ASTN1: variants seen among roughly 807,000 people sequenced by gnomAD.
ASTN1 encodes astrotactin-1.
A neutral mutation model predicts 140.7 loss-of-function variants in ASTN1; 41 were observed. The ratio of observed to expected loss-of-function variants is 0.29; its 90% CI spans 0.23 to 0.38. The LOEUF is 0.38. Among genes scored for constraint, ASTN1 ranks in the 10% least tolerant of loss-of-function variants. The pLI is 1.00. For synonymous variants in ASTN1, 640 were observed against 652.2 expected (o/e 0.98, Z 0.29); for missense variants, 1,479 against 1,678.8 (o/e 0.88, Z 2.08).
intron 18 of ASTN1, 152 bp from the exon 19 acceptor site, chr1:176,884,642 A>G (rs1668955295): frequency 1.2e-6 from 1 of 849,996 alleles, no homozygotes; most frequent in Non-Finnish European, 1.7e-6. Flanking sequence ...AAAGATAGTA[A>G]TGTTTTTGAG....
intron 16 of ASTN1, among the ~76,000 whole-genome samples, chr1:176,908,682 G>A (rs932584392): frequency 3.3e-5 from 5 of 152,152 alleles, no homozygotes; most frequent in African/African-American, 4.8e-5. Flanking sequence ...TTATTCTGAA[G>A]GTTAAATGGG....
At chr1:177,128,088 C>G (rs369915884) in intron 1 of ASTN1, among the ~76,000 whole-genome samples, 7 of 151,944 alleles carry the variant, frequency 4.6e-5, no homozygotes, top group Admixed American at 6.6e-5. Context: ...TAATTACAAC[C>G]CTGTATAGGA....
chr1:176,868,170 T>G (rs1411955775), intron 22 of ASTN1, among the ~76,000 whole-genome samples: 1 of 152,216 alleles, frequency 6.6e-6, no homozygotes, highest in Non-Finnish European at 1.5e-5. Context: ...GTCTGTTTTC[T>G]CAAAGCAGCA....
At chr1:177,016,668 T>C (rs2101943057) in intron 7 of ASTN1, among the ~76,000 whole-genome samples, 1 of 152,272 alleles carries the variant, frequency 6.6e-6, no homozygotes, top group East Asian at 1.9e-4. Flanking sequence ...TGCTAGACTA[T>C]AAGATACATA....
Position 176,864,234 on chromosome 1 carries a change from C to T in ASTN1, c.*50G>A, listed in dbSNP as rs561493560. 4 of 1,594,702 alleles carry T rather than the reference C, an allele frequency of 2.5e-6. No homozygotes were observed. The East Asian group carries it at 6.7e-5, about 27-fold the overall frequency. On this transcript the variant is annotated 3_prime_UTR_variant, in exon 23 of 23. Transcript: ENST00000361833. ...AATCCACAGACCAACCCAGATGGAT[C>T]CCTCCTCTTTCCTACTTCATTCTGG...
At chr1:177,124,109 C>T (rs1364407178) in intron 1 of ASTN1, among the ~76,000 whole-genome samples, 1 of 152,098 alleles carries the variant, frequency 6.6e-6, no homozygotes, top group Non-Finnish European at 1.5e-5. Flanking sequence ...CCAGGTATAC[C>T]ACATTTCTCT....
At chr1:176,933,373 C>T (rs1299330078) in intron 16 of ASTN1, among the ~76,000 whole-genome samples, 1 of 152,210 alleles carries the variant, frequency 6.6e-6, no homozygotes, top group Non-Finnish European at 1.5e-5. Flanking sequence ...TAATTCATCA[C>T]TTGCCCTTTA....
chr1:177,075,611 T>C (rs965738919), intron 1 of ASTN1, among the ~76,000 whole-genome samples: 1 of 150,672 alleles, frequency 6.6e-6, no homozygotes, highest in East Asian at 2.0e-4. Flanking sequence ...CATTTTTTCT[T>C]TCTTTCTTTC....
At position 176,945,818 on chromosome 1, in the gene ASTN1, T is replaced by C; in HGVS notation, c.2249+108A>G. On this transcript the variant is annotated intron_variant, in intron 13 of 22. Transcript: ENST00000361833. ...AGAATGTAGTCTATCCCTTTAGACA[T>C]ATCATATTTACCCTGCTCCAACATA... 4.5e-6 allele frequency: 5 copies of C among 1,119,546 alleles called. 1 individual carries two copies. In the South Asian group the frequency reaches 7.0e-5, roughly 16 times the overall value. 69.4% of individuals were successfully genotyped at this position (1,119,546 alleles called of 1,614,324 possible). A position where few individuals can be genotyped will look rare whatever the true frequency, so the allele number is the denominator to read the frequency against.
intron 11 of ASTN1, among the ~76,000 whole-genome samples, chr1:176,954,604 T>C (rs1050300178): frequency 6.6e-6 from 1 of 152,214 alleles, no homozygotes; most frequent in African/African-American, 2.4e-5. Flanking sequence ...TAAGTACTCT[T>C]GAAAGACCCT....
intron 14 of ASTN1, among the ~76,000 whole-genome samples, chr1:176,937,977 C>T (rs1671520236): frequency 6.6e-6 from 1 of 152,070 alleles, no homozygotes; most frequent in African/African-American, 2.4e-5. Flanking sequence ...CTGTGTGAAT[C>T]ATATGGGAAT....
rs139798386 is a variant in ASTN1 at position 177,056,009 on chromosome 1, G to A, written c.471+5069C>T. ...AACTGCTCCTCTCTACATTGGAAGC[G>A]GCTGTGCTCTAGGTATGAAATGAGG... On this transcript the variant is annotated intron_variant, in intron 2 of 22. Coordinates refer to ENST00000361833, the MANE Select transcript of ASTN1 (RefSeq NM_004319.3). Among the ~76,000 whole-genome samples the A allele has an allele frequency of 8.1e-3, 1,229 of 152,264 alleles. 9 individuals are homozygous for A. Among genetic ancestry groups the A allele is most frequent in the Non-Finnish European group, 0.013 (852 of 68,036 alleles).
intron 16 of ASTN1, among the ~76,000 whole-genome samples, chr1:176,900,929 A>ATG (rs1240565157): frequency 6.6e-6 from 1 of 152,226 alleles, no homozygotes; most frequent in Admixed American, 6.5e-5. Context: ...CTTATATGTA[A>ATG]TACACACTAA....
In ASTN1 at chr1:177,014,780, C is replaced by A. The variant is rs2101939600; in HGVS notation, c.1523+11G>T. ...TGTGGGAACCAGCTAAGTCGTCATG[C>A]CCTCACTTACCCCTGGTTTGTCCCC... On this transcript the variant is annotated intron_variant, in intron 8 of 22. Transcript: ENST00000361833. 1 of 1,610,372 alleles carries A rather than the reference C, an allele frequency of 6.2e-7. No individual in the cohort carries two copies. Among genetic ancestry groups the A allele is most frequent in the South Asian group, 1.1e-5 (1 of 90,960 alleles).
chr1:176,916,529 C>G (rs1343866794), intron 16 of ASTN1, among the ~76,000 whole-genome samples: 1 of 152,138 alleles, frequency 6.6e-6, no homozygotes, highest in African/African-American at 2.4e-5. Flanking sequence ...ATGTATGTCT[C>G]CCTAGGAGAT....
intron 1 of ASTN1, among the ~76,000 whole-genome samples, chr1:177,143,439 C>T (rs1204871741): frequency 1.3e-5 from 2 of 152,160 alleles, no homozygotes; most frequent in Non-Finnish European, 2.9e-5. Flanking sequence ...GAATGCAAAT[C>T]ACTGAGAAGT....
In ASTN1 at chr1:176,862,504, C is replaced by A; in HGVS notation, c.*1780G>T. The A allele has an allele frequency of 1.0e-6, 1 of 985,442 alleles. No homozygotes were observed. Among genetic ancestry groups the A allele is most frequent in the Non-Finnish European group, 1.2e-6 (1 of 829,974 alleles). 61.0% of individuals were successfully genotyped at this position (985,442 alleles called of 1,614,324 possible). ...CTTGGGAAAGGTAAAGCTCTCTGGG[C>A]AGGTTCCCTGTGGGGCTGAGAGCTT... On this transcript the variant is annotated 3_prime_UTR_variant, in exon 23 of 23. Transcript: ENST00000361833.
intron 8 of ASTN1, among the ~76,000 whole-genome samples, chr1:176,970,863 G>T (rs10798491): frequency 0.062 from 9,463 of 151,684 alleles, 972 homozygotes; most frequent in African/African-American, 0.21. Flanking sequence ...AGCTTTTTCC[G>T]GACTTACATA....
chr1:176,966,089 TATTGCACACACTAGGTG>T (rs1672869444), intron 8 of ASTN1, among the ~76,000 whole-genome samples: 1 of 152,222 alleles, frequency 6.6e-6, no homozygotes. Context: ...AGTACTGAGC[TATTGCACACACTAGGTG>T]GATTTAGCCC....
Sources: allele counts gnomAD v4.1 joint callset (sites outside exome capture counted in the v4.1 genomes callset), GRCh38; gene constraint gnomAD v4.1.1; transcripts MANE v1.5; gene names NCBI Gene and HGNC (gene_info 2026-07-23, HGNC 2026-07-21).